The following TET2 variants were observed in gnomAD, a reference collection of about 807,000 sequenced individuals.
TET2 encodes tet methylcytosine dioxygenase 2.
A neutral mutation model predicts 142.9 loss-of-function variants in TET2; 299 were observed. That is an observed-to-expected ratio of 2.09 (90% CI 1.90 to 2.30). TET2 has a LOEUF of 2.30. Ranked by LOEUF, TET2 falls within the 30% of genes most tolerant of loss-of-function variation. TET2 has a pLI of 0.00. For synonymous variants in TET2, 819 were observed against 849.0 expected, an observed-to-expected ratio of 0.96 and a Z score of 0.61; for missense variants, 2,418 against 2,378.0, an observed-to-expected ratio of 1.02 and a Z score of -0.35.
chr4:105,225,421 T>TTC (rs1728129536), intron 2 of TET2, among the ~76,000 whole-genome samples: 1 of 152,166 alleles, frequency 6.6e-6, no homozygotes, highest in African/African-American at 2.4e-5. Flanking sequence ...TGATGCACAT[T>TTC]TCTCCTTAGG....
At chr4:105,165,692 G>A (rs1027130593) in intron 1 of TET2, among the ~76,000 whole-genome samples, 12 of 152,130 alleles carry the variant, frequency 7.9e-5, no homozygotes, top group African/African-American at 2.7e-4. Context: ...TGTATAAGTT[G>A]GGATACTCTT....
intron 2 of TET2, among the ~76,000 whole-genome samples, chr4:105,228,913 A>G (rs749132847): frequency 6.6e-6 from 1 of 152,198 alleles, no homozygotes; most frequent in Non-Finnish European, 1.5e-5. Flanking sequence ...ATTGATGATT[A>G]AAAGCCATTG....
At chr4:105,165,345 C>T (rs538385886) in intron 1 of TET2, among the ~76,000 whole-genome samples, 7 of 152,110 alleles carry the variant, frequency 4.6e-5, no homozygotes, top group Admixed American at 4.6e-4. Flanking sequence ...CATTGCACTC[C>T]AGCCTGGGTG....
At chr4:105,244,918 A>G (rs1189336228) in intron 6 of TET2, among the ~76,000 whole-genome samples, 4 of 152,120 alleles carry the variant, frequency 2.6e-5, no homozygotes, top group Non-Finnish European at 5.9e-5. Context: ...TTTGCCCACG[A>G]TTGGTTTTAA....
intron 6 of TET2, among the ~76,000 whole-genome samples, chr4:105,247,989 T>C (rs1729669552): frequency 6.6e-6 from 1 of 152,172 alleles, no homozygotes; most frequent in South Asian, 2.1e-4. Context: ...CCCAAAGTGC[T>C]GGGATTACAG....
chr4:105,154,277 A>G (rs1723455324), intron 1 of TET2, among the ~76,000 whole-genome samples: 1 of 152,234 alleles, frequency 6.6e-6, no homozygotes, highest in African/African-American at 2.4e-5. Context: ...AATTTATTGT[A>G]TGTGAATTAT....
At chr4:105,148,549 C>T (rs1189631022) in intron 1 of TET2, among the ~76,000 whole-genome samples, 1 of 152,038 alleles carries the variant, frequency 6.6e-6, no homozygotes, top group African/African-American at 2.4e-5. Flanking sequence ...TTGGGATTCA[C>T]AGAGAAAAGA....
chr4:105,240,271 A>G lies in TET2; in HGVS notation c.3410-1068A>G, dbSNP rs532649774. ...CAAACCTTCAGTTTGTAAAAGTCAC[A>G]GTAACTGTGACTCACAAAAGAACAA... On this transcript the variant is annotated intron_variant, in intron 3 of 10. Coordinates refer to ENST00000380013, the MANE Select transcript of TET2 (RefSeq NM_001127208.3). The G allele has an allele frequency of 3.2e-4, 298 of 919,514 alleles. 1 individual carries two copies. Among genetic ancestry groups the G allele is most frequent in the Non-Finnish European group, 3.9e-4 (286 of 736,816 alleles). The allele number at this position is 919,514 out of a possible 1,614,324, so 57.0% of individuals were successfully genotyped here. A position where few individuals can be genotyped will look rare whatever the true frequency, so the allele number is the denominator to read the frequency against.
chr4:105,193,140 G>C (rs1725884968), intron 2 of TET2, among the ~76,000 whole-genome samples: 2 of 152,132 alleles, frequency 1.3e-5, no homozygotes, highest in Admixed American at 1.3e-4. Context: ...CTTCACAAAG[G>C]AAGGTGACAG....
Position 105,241,408 on chromosome 4 carries a change from TTAGAG to T in TET2, c.3480_3484del (p.Arg1161AsnfsTer11). On this transcript the variant is annotated frameshift_variant, in exon 4 of 11. Transcript: ENST00000380013. LOFTEE classifies it high-confidence loss of function. ...GGAGCAGGTCCTAATGTGGCAGCTA[TTAGAG>T]AAATCATGGAAGAAAGGTAATTAAC... The T allele has an allele frequency of 6.5e-7, 1 of 1,550,112 alleles. No homozygotes were observed. The highest frequency in any genetic ancestry group is 8.7e-7 in the Non-Finnish European group (1 of 1,146,570).
chr4:105,236,312 G>A lies in TET2; in HGVS notation c.2370G>A (p.Gln790=), dbSNP rs758586811. Reference sequence around the variant, plus strand: ...AAGAATGTTTTCATGGTGAAAATCAGTATTCAAAATCAAGCGAGTTCGAGA... The same window carrying A: ...AAGAATGTTTTCATGGTGAAAATCAATATTCAAAATCAAGCGAGTTCGAGA... ...KVEECFHGEN[Q]YSKSSEFETH... is the part of the protein sequence containing the mutation. The change falls in exon 3 of 11, where the codon CAG becomes CAA. Residue 790 remains glutamine, a synonymous_variant. Coordinates refer to ENST00000380013, the MANE Select transcript of TET2 (RefSeq NM_001127208.3). 13 of 1,613,922 alleles carry A rather than the reference G, an allele frequency of 8.1e-6. No individual in the cohort carries two copies. The highest frequency in any genetic ancestry group is 1.7e-5 in the Admixed American group (1 of 59,984).
chr4:105,219,329 A>G (rs1159590629), intron 2 of TET2, among the ~76,000 whole-genome samples: 1 of 152,156 alleles, frequency 6.6e-6, no homozygotes, highest in Non-Finnish European at 1.5e-5. Context: ...CCAGTTGATT[A>G]AGACTAGATC....
chr4:105,155,589 T>A (rs943490462), intron 1 of TET2, among the ~76,000 whole-genome samples: 1 of 152,248 alleles, frequency 6.6e-6, no homozygotes, highest in Non-Finnish European at 1.5e-5. Context: ...TATGTAATTC[T>A]AGATACCAGA....
At chr4:105,161,039 G>C (rs1281036390) in intron 1 of TET2, among the ~76,000 whole-genome samples, 4 of 152,162 alleles carry the variant, frequency 2.6e-5, no homozygotes, top group Non-Finnish European at 5.9e-5. Flanking sequence ...CTCCCAAAGT[G>C]CTGGGATTAC....
At chr4:105,244,346 T>C (rs1729467986) in intron 6 of TET2, among the ~76,000 whole-genome samples, 1 of 152,314 alleles carries the variant, frequency 6.6e-6, no homozygotes, top group Non-Finnish European at 1.5e-5. Context: ...AGCAAATTAC[T>C]GGATATGGAT....
intron 1 of TET2, among the ~76,000 whole-genome samples, chr4:105,155,330 A>G (rs1485249870): frequency 1.3e-5 from 2 of 152,236 alleles, no homozygotes; most frequent in East Asian, 3.8e-4. Flanking sequence ...TAAGGTTGAA[A>G]AGGAAATTGC....
At chr4:105,243,331 A>G (rs1196436970) in intron 5 of TET2, among the ~76,000 whole-genome samples, 1 of 152,190 alleles carries the variant, frequency 6.6e-6, no homozygotes, top group African/African-American at 2.4e-5. Flanking sequence ...TACTGGGTAT[A>G]GTCTGCTAAA....
intron 8 of TET2, 22 bp from the exon 9 acceptor site, chr4:105,269,587 TC>T (rs1560569312): frequency 1.3e-6 from 2 of 1,550,374 alleles, no homozygotes; most frequent in Non-Finnish European, 1.7e-6. Context: ...ACTTTCGCAT[TC>T]ACACACACTT....
intron 1 of TET2, among the ~76,000 whole-genome samples, chr4:105,179,528 A>G (rs528431670): frequency 6.6e-6 from 1 of 152,328 alleles, no homozygotes; most frequent in Admixed American, 6.5e-5. Flanking sequence ...TATTCAAGAT[A>G]AAAAATCTTG....
Sources: gnomAD v4.1 joint callset for allele counts (sites outside exome capture counted in the v4.1 genomes callset) on GRCh38, gnomAD v4.1.1 for gene constraint, MANE v1.5 for transcripts, NCBI Gene and HGNC (gene_info 2026-07-23, HGNC 2026-07-21) for gene names.